ROBO2: variants seen among roughly 807,000 people sequenced by gnomAD.
The protein encoded by ROBO2 is roundabout homolog 2.
In ROBO2, 53 loss-of-function variants were observed where a neutral mutation model predicts 160.8. The ratio of observed to expected loss-of-function variants is 0.33; its 90% CI spans 0.26 to 0.41. ROBO2 has a LOEUF of 0.41. ROBO2 is among the 10% of genes least tolerant of loss of function. The pLI is 1.00. For synonymous variants in ROBO2, 664 were observed against 611.7 expected (o/e 1.09, Z -1.26); for missense variants, 1,577 against 1,722.4 (o/e 0.92, Z 1.49).
intron 2 of ROBO2, among the ~76,000 whole-genome samples, chr3:76,203,864 C>T (rs2107273001): frequency 6.6e-6 from 1 of 152,336 alleles, no homozygotes. Context: ...GATGACAGGT[C>T]ATGGTTCTAG....
At chr3:76,382,535 C>A in intron 2 of ROBO2, among the ~76,000 whole-genome samples, 1 of 152,164 alleles carries the variant, frequency 6.6e-6, no homozygotes, top group Non-Finnish European at 1.5e-5. Flanking sequence ...TGCAGTGAGC[C>A]GAGATCGCGC....
Position 77,294,141 on chromosome 3 carries a change from A to C in ROBO2, c.389-183273A>C, listed in dbSNP as rs1482651908. Among the ~76,000 whole-genome samples the C allele has an allele frequency of 8.4e-5, 12 of 143,504 alleles. 1 individual carries two copies. The highest frequency in any genetic ancestry group is 6.1e-4 in the East Asian group (3 of 4,934). The allele number at this position is 143,504 out of a possible 152,430, so 94.1% of individuals were successfully genotyped here. A position where few individuals can be genotyped will look rare whatever the true frequency, so the allele number is the denominator to read the frequency against. ...GCTAGATCACCCCAGACATAAAGTA[A>C]AATTGATGGTTAAACGGGTAAGCTG... On this transcript the variant is annotated intron_variant, in intron 2 of 25. Coordinates refer to ENST00000461745, the Ensembl canonical transcript of ROBO2.
At chr3:76,504,676 T>C (rs9865406) in intron 2 of ROBO2, among the ~76,000 whole-genome samples, 82,421 of 151,298 alleles carry the variant, frequency 0.54, 22,688 homozygotes, top group African/African-American at 0.61. Context: ...CTACAGGCAC[T>C]GCCACCACGC....
intron 2 of ROBO2, among the ~76,000 whole-genome samples, chr3:76,288,888 G>C (rs752085960): frequency 6.6e-6 from 1 of 152,004 alleles, no homozygotes; most frequent in Admixed American, 6.6e-5. Flanking sequence ...TTTTAATCCA[G>C]TCCACTCTTG....
At chr3:76,523,487 C>T in intron 2 of ROBO2, among the ~76,000 whole-genome samples, 1 of 151,968 alleles carries the variant, frequency 6.6e-6, no homozygotes, top group East Asian at 1.9e-4. Flanking sequence ...GTAACTAGCC[C>T]AAGCTCACAC....
rs1393216822 is a variant in ROBO2, at chr3:77,002,696, G to T, written c.110-95318G>T. Among the ~76,000 whole-genome samples, 4 of 152,128 alleles carry T rather than the reference G, an allele frequency of 2.6e-5. No homozygotes were observed. The South Asian group carries it at 6.2e-4, about 24-fold the overall frequency. On this transcript the variant is annotated intron_variant, in intron 2 of 26. Transcript: ENST00000487694. Reference sequence around the variant, plus strand: ...TTCAATTTGGATTTTAGTCTTCAATGATATCTTTTTGTCTCAGTCTCTAAA... The same window carrying T: ...TTCAATTTGGATTTTAGTCTTCAATTATATCTTTTTGTCTCAGTCTCTAAA...
At chr3:76,947,566 A>G (rs948598297) in intron 2 of ROBO2, among the ~76,000 whole-genome samples, 2 of 152,152 alleles carry the variant, frequency 1.3e-5, no homozygotes, top group African/African-American at 2.4e-5. Flanking sequence ...TTTTTTTCTT[A>G]GTTAACAATT....
intron 2 of ROBO2, among the ~76,000 whole-genome samples, chr3:76,667,800 GAAAA>G (rs1209274705): frequency 1.3e-5 from 2 of 149,370 alleles, no homozygotes; most frequent in Non-Finnish European, 3.0e-5. Flanking sequence ...ATAAAAGATA[GAAAA>G]TGTTCAATAT....
At chr3:77,396,068 T>TA (rs934799102) in intron 2 of ROBO2, among the ~76,000 whole-genome samples, 2,015 of 144,622 alleles carry the variant, frequency 0.014, 39 homozygotes, top group African/African-American at 0.033. Flanking sequence ...CCAAGAAACT[T>TA]AAAAAAAAAA....
At chr3:77,268,273 T>C (rs2059265117) in intron 2 of ROBO2, among the ~76,000 whole-genome samples, 1 of 152,234 alleles carries the variant, frequency 6.6e-6, no homozygotes, top group Non-Finnish European at 1.5e-5. Context: ...AAAAAATGCA[T>C]ATATTTTTAT....
intron 2 of ROBO2, among the ~76,000 whole-genome samples, chr3:76,076,263 G>A (rs1576757097): frequency 6.6e-6 from 1 of 152,040 alleles, no homozygotes. Flanking sequence ...GAGTTTTTTT[G>A]GTCTGAATTG....
chr3:76,376,819 T>C (rs569645776), intron 2 of ROBO2, among the ~76,000 whole-genome samples: 2 of 152,218 alleles, frequency 1.3e-5, no homozygotes, highest in South Asian at 4.1e-4. Flanking sequence ...TGGTAAGCCA[T>C]GTTGAGGAGG....
chr3:77,214,707 G>T (rs1429239478), intron 2 of ROBO2, among the ~76,000 whole-genome samples: 2 of 152,194 alleles, frequency 1.3e-5, no homozygotes, highest in Admixed American at 6.5e-5. Context: ...TGTTTTTGCA[G>T]TGGCTGGTAC....
intron 2 of ROBO2, among the ~76,000 whole-genome samples, chr3:77,321,540 A>T (rs2064701577): frequency 6.6e-6 from 1 of 152,132 alleles, no homozygotes; most frequent in African/African-American, 2.4e-5. Flanking sequence ...AAAAAAGAAA[A>T]AAGAAAAGTT....
At chr3:77,064,184 G>A (rs1362757755) in intron 1 of ROBO2, among the ~76,000 whole-genome samples, 2 of 152,022 alleles carry the variant, frequency 1.3e-5, no homozygotes, top group African/African-American at 4.8e-5. Context: ...CCTTAAAAAT[G>A]TATTAAATTG....
intron 2 of ROBO2, among the ~76,000 whole-genome samples, chr3:77,032,407 A>G (rs1333761728): frequency 1.3e-5 from 2 of 152,212 alleles, no homozygotes; most frequent in African/African-American, 2.4e-5. Context: ...ATTTAATAAG[A>G]CAATTAATTT....
chr3:77,376,448 G>A (rs181467100), intron 2 of ROBO2, among the ~76,000 whole-genome samples: 252 of 151,988 alleles, frequency 1.7e-3, no homozygotes, highest in Middle Eastern at 3.4e-3. Context: ...GTGAGCCACC[G>A]CACCCAGCTT....
chr3:77,208,391 A>G (rs1364496639), intron 2 of ROBO2, among the ~76,000 whole-genome samples: 1 of 152,190 alleles, frequency 6.6e-6, no homozygotes, highest in African/African-American at 2.4e-5. Flanking sequence ...TAATAAATTT[A>G]TGTTTTCTTT....
intron 2 of ROBO2, among the ~76,000 whole-genome samples, chr3:76,689,807 C>T (rs2092763090): frequency 6.6e-6 from 1 of 152,106 alleles, no homozygotes; most frequent in South Asian, 2.1e-4. Context: ...TTTGCCCATC[C>T]AGTTCCCCGT....
Sources: allele counts gnomAD v4.1 joint callset (sites outside exome capture counted in the v4.1 genomes callset), GRCh38; gene constraint gnomAD v4.1.1; transcripts MANE v1.5; gene names NCBI Gene and HGNC (gene_info 2026-07-23, HGNC 2026-07-21).